Variants in LRP1B observed in about 807,000 individuals in gnomAD.
LRP1B encodes LDL receptor related protein 1B, also known as low-density lipoprotein receptor-related protein 1B.
Under a neutral mutation model 556.6 loss-of-function variants are expected in LRP1B, and 217 were observed. The ratio of observed to expected loss-of-function variants is 0.39; its 90% CI spans 0.35 to 0.44. The LOEUF (loss-of-function observed/expected upper bound fraction) is 0.44. Among genes scored for constraint, LRP1B ranks in the 20% least tolerant of loss-of-function variants. The pLI is 1.00. For synonymous variants in LRP1B, 2,047 were observed against 1,865.8 expected (o/e 1.10, Z -2.50); for missense variants, 5,053 against 5,620.8 (o/e 0.90, Z 3.23).
intron 2 of LRP1B, among the ~76,000 whole-genome samples, chr2:141,795,269 T>C (rs888902300): frequency 6.6e-6 from 1 of 152,096 alleles, no homozygotes; most frequent in African/African-American, 2.4e-5. Flanking sequence ...TACTTTTTTT[T>C]ATGCTGATCA....
chr2:140,838,951 G>T (rs979795136), intron 31 of LRP1B, among the ~76,000 whole-genome samples: 2 of 152,068 alleles, frequency 1.3e-5, no homozygotes, highest in Admixed American at 1.3e-4. Flanking sequence ...TGTTTCTTGG[G>T]AACAAGTCAA....
intron 1 of LRP1B, among the ~76,000 whole-genome samples, chr2:142,127,811 C>T (rs187978015): frequency 3.3e-5 from 5 of 152,102 alleles, no homozygotes; most frequent in Admixed American, 2.0e-4. Context: ...GTATCATACT[C>T]GAGAATTTAA....
chr2:141,161,255 C>T (rs1680019940), intron 7 of LRP1B, among the ~76,000 whole-genome samples: 1 of 152,014 alleles, frequency 6.6e-6, no homozygotes, highest in East Asian at 1.9e-4. Context: ...TTCAGTACTG[C>T]TCATAGTATA....
rs760887967 is a variant in LRP1B, at chr2:140,475,154, T to A, written c.9609A>T (p.Gly3203=). 10 of 1,590,346 alleles carry A rather than the reference T, an allele frequency of 6.3e-6. No homozygotes were observed. Among genetic ancestry groups the A allele is most frequent in the Non-Finnish European group, 8.6e-6 (10 of 1,167,494 alleles). The change falls in exon 60 of 91, where the codon GGA becomes GGT. Residue 3203 remains glycine (G), a synonymous_variant. Transcript: ENST00000389484. ...ENHIEFSNMD[G]SHRHKVPNQD... ...TGGACCAACCTTTGTGTCTATGAGA[T>A]CCATCCATGTTGCTAAATTCAATGT... is the stretch of plus-strand genomic sequence containing the variant.
At chr2:141,083,647 C>T (rs1472956889) in intron 7 of LRP1B, among the ~76,000 whole-genome samples, 1 of 152,060 alleles carries the variant, frequency 6.6e-6, no homozygotes, top group Non-Finnish European at 1.5e-5. Flanking sequence ...TGGATTAATC[C>T]ATTTATGGAT....
At chr2:141,755,515 C>T (rs1694285223) in intron 2 of LRP1B, among the ~76,000 whole-genome samples, 1 of 151,984 alleles carries the variant, frequency 6.6e-6, no homozygotes, top group African/African-American at 2.4e-5. Context: ...AATATTACTA[C>T]TCAGTCTTGG....
At chr2:140,753,407 T>C (rs938133209) in intron 35 of LRP1B, among the ~76,000 whole-genome samples, 1 of 152,194 alleles carries the variant, frequency 6.6e-6, no homozygotes, top group Non-Finnish European at 1.5e-5. Flanking sequence ...TGATCTCACA[T>C]TTCCTATACA....
chr2:140,799,021 A>C (rs927922394), intron 32 of LRP1B, among the ~76,000 whole-genome samples: 6 of 152,222 alleles, frequency 3.9e-5, no homozygotes, highest in Non-Finnish European at 5.9e-5. Context: ...TCTGCATCAC[A>C]GTGGTTAAAA....
At position 140,232,153 on chromosome 2, in the gene LRP1B, T is replaced by G. The variant is rs188199885; in HGVS notation, c.*1033A>C. On this transcript the variant is annotated 3_prime_UTR_variant, in exon 91 of 91. Transcript: ENST00000389484. ...AATAATGGGTTGCTCATATTAAATCTTGAAAATATTTGCCAATCACTCTGT... is the reference window on the plus strand; with the variant it reads ...AATAATGGGTTGCTCATATTAAATCGTGAAAATATTTGCCAATCACTCTGT... The G allele has an allele frequency of 6.6e-6, 1 of 151,368 alleles. No individual in the cohort carries two copies. Among genetic ancestry groups the G allele is most frequent in the Non-Finnish European group, 1.5e-5 (1 of 67,530 alleles). The allele number at this position is 151,368 out of a possible 1,614,324, so 9.4% of individuals were successfully genotyped here.
chr2:140,767,654 T>A (rs1689164199), intron 35 of LRP1B, among the ~76,000 whole-genome samples: 1 of 150,172 alleles, frequency 6.7e-6, no homozygotes, highest in African/African-American at 2.5e-5. Context: ...TAATTATTAT[T>A]TTTTTTATTA....
intron 7 of LRP1B, among the ~76,000 whole-genome samples, chr2:141,080,493 A>G (rs939730925): frequency 4.6e-5 from 7 of 152,158 alleles, no homozygotes; most frequent in African/African-American, 1.7e-4. Context: ...TTTCTGATTA[A>G]CCTTGACATT....
intron 41 of LRP1B, among the ~76,000 whole-genome samples, chr2:140,681,947 G>A (rs1328333206): frequency 2.0e-5 from 3 of 152,134 alleles, no homozygotes; most frequent in Non-Finnish European, 4.4e-5. Context: ...TCATGAATGG[G>A]AGAAACAAGA....
intron 7 of LRP1B, among the ~76,000 whole-genome samples, chr2:141,166,663 A>G (rs984644710): frequency 6.6e-6 from 1 of 151,596 alleles, no homozygotes; most frequent in African/African-American, 2.4e-5. Context: ...CCCATTAACC[A>G]TCCCCACTTC....
rs546594197 is a variant in LRP1B, at chr2:140,810,148, C to T, written c.5359+3509G>A. ...TCTAATTAAAACTAAGAGTCTCGAGCGGTTCCAATTTATAATCCTTGAGGT... is the reference window on the plus strand; with the variant it reads ...TCTAATTAAAACTAAGAGTCTCGAGTGGTTCCAATTTATAATCCTTGAGGT... On this transcript the variant is annotated intron_variant, in intron 32 of 90. Transcript: ENST00000389484. Among the ~76,000 whole-genome samples the T allele has an allele frequency of 1.1e-4, 17 of 152,184 alleles. No homozygotes were observed. The East Asian group carries it at 1.9e-3, about 17-fold the overall frequency.
chr2:140,424,484 A>G lies in LRP1B; in HGVS notation c.10414+18020T>C, dbSNP rs145033571. Among the ~76,000 whole-genome samples, 397 of 152,364 alleles carry G rather than the reference A, an allele frequency of 2.6e-3. 3 individuals carry two copies. The highest frequency in any genetic ancestry group is 9.3e-3 in the African/African-American group (387 of 41,592). On this transcript the variant is annotated intron_variant, in intron 66 of 90. Coordinates refer to ENST00000389484, the MANE Select transcript of LRP1B (RefSeq NM_018557.3). ...TTCCAGTAAACCTCACCATGCTTAT[A>G]GAAAATTCACGAGCATTCATGAAGT...
intron 43 of LRP1B, among the ~76,000 whole-genome samples, chr2:140,546,962 A>G (rs1000501156): frequency 8.6e-5 from 13 of 151,902 alleles, no homozygotes; most frequent in African/African-American, 2.9e-4. Context: ...ACCTTTATTG[A>G]TTTGCATATG....
chr2:140,357,378 T>C (rs1682275261), intron 74 of LRP1B, among the ~76,000 whole-genome samples: 1 of 147,400 alleles, frequency 6.8e-6, no homozygotes. Flanking sequence ...ATGCATAAAT[T>C]AAAAAAAAAA....
intron 2 of LRP1B, among the ~76,000 whole-genome samples, chr2:141,655,109 A>T (rs1213390596): frequency 6.6e-6 from 1 of 152,120 alleles, no homozygotes; most frequent in African/African-American, 2.4e-5. Context: ...ACTGGGGAGG[A>T]GGAAGAGGGA....
chr2:140,823,860 C>T (rs1162207354), intron 31 of LRP1B, among the ~76,000 whole-genome samples: 1 of 151,970 alleles, frequency 6.6e-6, no homozygotes, highest in African/African-American at 2.4e-5. Context: ...CACATGTTCT[C>T]ACTTATAAGT....
Sources: gnomAD v4.1 joint callset for allele counts (sites outside exome capture counted in the v4.1 genomes callset) on GRCh38, gnomAD v4.1.1 for gene constraint, MANE v1.5 for transcripts, NCBI Gene and HGNC (gene_info 2026-07-23, HGNC 2026-07-21) for gene names.